PECAM1: variants seen among roughly 807,000 people sequenced by gnomAD.
PECAM1 encodes platelet and endothelial cell adhesion molecule 1.
Under a neutral mutation model 13.8 loss-of-function variants are expected in PECAM1, and 8 were observed. That is an observed-to-expected ratio of 0.58 (90% CI 0.34 to 1.05). The LOEUF (loss-of-function observed/expected upper bound fraction) is 1.05, where lower values mean the gene tolerates loss of function less well. PECAM1 is among the 50% of genes least tolerant of loss of function. PECAM1 has a pLI of 0.03. For synonymous variants in PECAM1, 136 were observed against 52.6 expected (o/e 2.58, Z -6.86); for missense variants, 304 against 141.2 (o/e 2.15, Z -5.84).
At chr17:64,339,645 T>A (rs2143723961) in intron 14 of PECAM1, among the ~76,000 whole-genome samples, 1 of 152,326 alleles carries the variant, frequency 6.6e-6, no homozygotes, top group African/African-American at 2.4e-5. Context: ...TGCATTTTGT[T>A]AGCTCTGAAT....
At chr17:64,376,558 A>G (rs2036363797) in intron 3 of PECAM1, among the ~76,000 whole-genome samples, 1 of 152,160 alleles carries the variant, frequency 6.6e-6, no homozygotes, top group Non-Finnish European at 1.5e-5. Flanking sequence ...CTGAATGCCT[A>G]CTATGAGCCA....
Position 64,390,747 on chromosome 17 carries a change from C to G in PECAM1, c.-82G>C, listed in dbSNP as rs1393873929. 3 of 408,090 alleles carry G rather than the reference C, an allele frequency of 7.4e-6. No individual in the cohort carries two copies. Among genetic ancestry groups the G allele is most frequent in the Non-Finnish European group, 1.3e-5 (3 of 227,354 alleles). The allele number at this position is 408,090 out of a possible 1,614,324, so 25.3% of individuals were successfully genotyped here. Reference sequence around the variant, plus strand: ...AGCAGAAGGCACTGCCCACAAGTCACCGTTGAGAAACCCGCCCTGTGAAAA... The same window carrying G: ...AGCAGAAGGCACTGCCCACAAGTCAGCGTTGAGAAACCCGCCCTGTGAAAA... On this transcript the variant is annotated 5_prime_UTR_variant, in exon 1 of 16. Coordinates refer to ENST00000563924, the MANE Select transcript of PECAM1 (RefSeq NM_000442.5).
intron 5 of PECAM1, among the ~76,000 whole-genome samples, chr17:64,367,562 A>G (rs1221303406): frequency 6.6e-6 from 1 of 151,844 alleles, no homozygotes; most frequent in African/African-American, 2.4e-5. Context: ...AAAAAAAAAA[A>G]AAAAAGAAAA....
intron 14 of PECAM1, among the ~76,000 whole-genome samples, chr17:64,338,543 C>G (rs2035343333): frequency 6.7e-6 from 1 of 149,072 alleles, no homozygotes; most frequent in African/African-American, 2.5e-5. Context: ...TGTTAAGAAG[C>G]TTTATATATT....
chr17:64,388,847 T>C (rs1368063104), intron 2 of PECAM1, among the ~76,000 whole-genome samples: 3 of 152,122 alleles, frequency 2.0e-5, no homozygotes, highest in Non-Finnish European at 4.4e-5. Context: ...TTTGTATTTT[T>C]AGTAGAGACG....
chr17:64,378,359 G>A (rs1481947586), intron 2 of PECAM1, among the ~76,000 whole-genome samples: 1 of 152,160 alleles, frequency 6.6e-6, no homozygotes, highest in African/African-American at 2.4e-5. Flanking sequence ...TAAAGATGTA[G>A]AGCTAGGTAT....
chr17:64,326,984 C>T (rs1277857548), intron 15 of PECAM1, among the ~76,000 whole-genome samples: 1 of 152,242 alleles, frequency 6.6e-6, no homozygotes, highest in African/African-American at 2.4e-5. Context: ...ACCCTTGCAA[C>T]AACCAAGTGA....
intron 14 of PECAM1, among the ~76,000 whole-genome samples, chr17:64,333,579 G>A (rs1483297760): frequency 6.6e-6 from 1 of 151,984 alleles, no homozygotes; most frequent in Admixed American, 6.6e-5. Context: ...CAAAAGTGTA[G>A]TACTTAGTGC....
intron 2 of PECAM1, among the ~76,000 whole-genome samples, chr17:64,389,372 C>T (rs2036667799): frequency 1.3e-5 from 2 of 152,322 alleles, no homozygotes; most frequent in Admixed American, 6.5e-5. Context: ...ACAAAACCCT[C>T]TCATCTCAAG....
In PECAM1 at chr17:64,321,627, G is replaced by T. The variant is rs1001673747; in HGVS notation, c.*2189C>A. 3.7e-5 allele frequency: 17 copies of T among 462,162 alleles called. No individual in the cohort carries two copies. Among genetic ancestry groups the T allele is most frequent in the African/African-American group, 3.4e-4 (16 of 47,470 alleles). 28.6% of individuals were successfully genotyped at this position (462,162 alleles called of 1,614,324 possible). A position where few individuals can be genotyped will look rare whatever the true frequency, so the allele number is the denominator to read the frequency against. ...AAATTAAAAATTAGCCAGCTATGGC[G>T]GCTCACGCCTCTGGTCCCAGCTACC... On this transcript the variant is annotated 3_prime_UTR_variant, in exon 16 of 16. Coordinates refer to ENST00000563924, the MANE Select transcript of PECAM1 (RefSeq NM_000442.5).
intron 3 of PECAM1, among the ~76,000 whole-genome samples, chr17:64,375,722 G>T (rs1171620140): frequency 6.6e-6 from 1 of 151,994 alleles, no homozygotes. Flanking sequence ...CAGCTACTTG[G>T]GAGGCCGAGG....
chr17:64,331,219 C>T (rs371470026), intron 14 of PECAM1, among the ~76,000 whole-genome samples: 2 of 146,780 alleles, frequency 1.4e-5, no homozygotes, highest in East Asian at 2.0e-4. Context: ...TTTTTTGAGA[C>T]GGGGTCTAGC....
chr17:64,353,155 C>G (rs2035766254), intron 10 of PECAM1, among the ~76,000 whole-genome samples: 1 of 152,030 alleles, frequency 6.6e-6, no homozygotes, highest in African/African-American at 2.4e-5. Context: ...AAGGCCAACT[C>G]TATTTTGTCA....
At chr17:64,361,127 A>ATGTGTGTGTG (rs1384237450) in intron 6 of PECAM1, among the ~76,000 whole-genome samples, 43 of 47,004 alleles carry the variant, frequency 9.1e-4, no homozygotes, top group African/African-American at 2.1e-3. Context: ...GGCTGAGCAT[A>ATGTGTGTGTG]TATGTGTGTG....
chr17:64,389,905 G>A (rs996215566), intron 2 of PECAM1, among the ~76,000 whole-genome samples: 13 of 151,934 alleles, frequency 8.6e-5, no homozygotes, highest in South Asian at 2.1e-4. Context: ...AAAATTAGCC[G>A]GGCCTGGTGG....
intron 7 of PECAM1, among the ~76,000 whole-genome samples, chr17:64,358,858 A>C (rs1478425142): frequency 6.6e-6 from 1 of 151,698 alleles, no homozygotes; most frequent in Non-Finnish European, 1.5e-5. Context: ...GTGTAGCGGA[A>C]TGATATTGGC....
intron 13 of PECAM1, among the ~76,000 whole-genome samples, chr17:64,344,365 G>A (rs941150101): frequency 6.6e-6 from 1 of 152,166 alleles, no homozygotes. Flanking sequence ...TGTCTCTGCT[G>A]TCAGGGATGT....
intron 14 of PECAM1, among the ~76,000 whole-genome samples, chr17:64,339,629 C>T (rs2035375298): frequency 2.6e-5 from 4 of 152,100 alleles, no homozygotes; most frequent in Admixed American, 2.6e-4. Flanking sequence ...TGTTTATTGT[C>T]AGATTTGCAT....
At chr17:64,341,249 G>A (rs1251747177) in intron 14 of PECAM1, among the ~76,000 whole-genome samples, 2 of 151,384 alleles carry the variant, frequency 1.3e-5, no homozygotes, top group Admixed American at 6.6e-5. Flanking sequence ...GAGTGACAGA[G>A]CGAGACTCCA....
Sources: allele counts gnomAD v4.1 joint callset (sites outside exome capture counted in the v4.1 genomes callset), GRCh38; gene constraint gnomAD v4.1.1; transcripts MANE v1.5; gene names NCBI Gene and HGNC (gene_info 2026-07-23, HGNC 2026-07-21).